RPRD2: variants seen among roughly 807,000 people sequenced by gnomAD.
RPRD2 encodes the protein regulation of nuclear pre-mRNA domain containing 2.
In RPRD2, 12 loss-of-function variants were observed where a neutral mutation model predicts 104.4. The observed-to-expected ratio is 0.11, with a 90% CI of 0.07 to 0.19. RPRD2 has a LOEUF of 0.19. Among genes scored for constraint, RPRD2 ranks in the 10% least tolerant of loss-of-function variants. RPRD2 has a pLI of 1.00. For synonymous variants in RPRD2, 714 were observed against 684.9 expected (o/e 1.04, Z -0.66); for missense variants, 1,543 against 1,790.1 (o/e 0.86, Z 2.49).
Position 150,364,690 on chromosome 1 carries a change from A to C in RPRD2, c.-25A>C, listed in dbSNP as rs2102057634. On this transcript the variant is annotated 5_prime_UTR_variant, in exon 1 of 11. Transcript: ENST00000369068. Reference sequence around the variant, plus strand: ...CCGCCGCCGCCGCCGCCAGAGGAGCAGCAGCGCTTGTGCAAACCGGGAAGA... The same window carrying C: ...CCGCCGCCGCCGCCGCCAGAGGAGCCGCAGCGCTTGTGCAAACCGGGAAGA... The C allele has an allele frequency of 2.1e-6, 3 of 1,423,888 alleles. No individual in the cohort carries two copies. The highest frequency in any genetic ancestry group is 1.4e-5 in the African/African-American group (1 of 69,422). The allele number at this position is 1,423,888 out of a possible 1,614,324, so 88.2% of individuals were successfully genotyped here.
intron 2 of RPRD2, among the ~76,000 whole-genome samples, chr1:150,420,371 C>T (rs1553889423): frequency 6.6e-6 from 1 of 152,046 alleles, no homozygotes; most frequent in Non-Finnish European, 1.5e-5. Flanking sequence ...AAGTTAAAAC[C>T]TTAAGCCCCC....
intron 1 of RPRD2, 38 bp downstream of exon 1, chr1:150,364,957 G>A: frequency 6.2e-7 from 1 of 1,602,068 alleles, no homozygotes; most frequent in South Asian, 1.1e-5. Flanking sequence ...GAAGACTGGG[G>A]AAATGGAAGG....
chr1:150,475,586 T>A lies in RPRD2; in HGVS notation c.*2252T>A, dbSNP rs1312262581. ...GGGTTTTTGTGGGGTACTTTTTTGT[T>A]TTTTAAGCCACAAAATCCTCAATAT... On this transcript the variant is annotated 3_prime_UTR_variant, in exon 11 of 11. Coordinates refer to ENST00000369068, the MANE Select transcript of RPRD2 (RefSeq NM_015203.5). 6.6e-6 allele frequency: 1 copy of A among 152,580 alleles called. No homozygotes were observed. The highest frequency in any genetic ancestry group is 2.4e-5 in the African/African-American group (1 of 41,426). The allele number at this position is 152,580 out of a possible 1,614,324, so 9.5% of individuals were successfully genotyped here.
chr1:150,409,595 A>G (rs1663742884), intron 1 of RPRD2, among the ~76,000 whole-genome samples: 1 of 151,660 alleles, frequency 6.6e-6, no homozygotes, highest in South Asian at 2.1e-4. Flanking sequence ...GTTATTTGGG[A>G]GAATAAAGCA....
intron 7 of RPRD2, among the ~76,000 whole-genome samples, chr1:150,449,395 T>G (rs1667006856): frequency 6.6e-6 from 1 of 152,198 alleles, no homozygotes; most frequent in South Asian, 2.1e-4. Flanking sequence ...TTGATATGCT[T>G]GGGTTTAAGT....
At chr1:150,400,593 G>C (rs1307043569) in intron 1 of RPRD2, among the ~76,000 whole-genome samples, 1 of 152,084 alleles carries the variant, frequency 6.6e-6, no homozygotes, top group Non-Finnish European at 1.5e-5. Flanking sequence ...GGGGCTCAGG[G>C]GTTAATGTTC....
intron 2 of RPRD2, among the ~76,000 whole-genome samples, chr1:150,430,969 G>A (rs1553891552): frequency 6.6e-6 from 1 of 150,984 alleles, no homozygotes; most frequent in Admixed American, 6.6e-5. Context: ...CCCTAAAAGT[G>A]ATGAAAAATA....
chr1:150,472,737 T>C lies in RPRD2; in HGVS notation c.3789T>C (p.Ser1263=), dbSNP rs202155125. The stretch of plus-strand genomic sequence containing the variant: ...CACCCCCTCCTCCTGGAGAGCACAG[T>C]GGAATTCCTTTCCCTACCCCACCTC... ...AAPPPPPGEH[S]GIPFPTPPPP... Residue 1263 remains serine, a synonymous_variant, in exon 11 of 11, where the codon AGT becomes AGC. Transcript: ENST00000369068. 1 of 1,612,770 alleles carries C rather than the reference T, an allele frequency of 6.2e-7. No homozygotes were observed. Among genetic ancestry groups the C allele is most frequent in the Admixed American group, 1.7e-5 (1 of 59,966 alleles).
rs1553882592 is a variant in RPRD2, at chr1:150,388,520, C to CACAT, written c.205+23603_205+23606dup. ...GCGCACACACACACACACACACACA[C>CACAT]ACATATATACACCCTGCATCCTGTT... On this transcript the variant is annotated intron_variant, in intron 1 of 10. Coordinates refer to ENST00000369068, the MANE Select transcript of RPRD2 (RefSeq NM_015203.5). Among the ~76,000 whole-genome samples, 347 of 148,260 alleles carry CACAT rather than the reference C, an allele frequency of 2.3e-3. 5 individuals are homozygous for CACAT. Among genetic ancestry groups the CACAT allele is most frequent in the Middle Eastern group, 0.01 (3 of 288 alleles).
rs1267649671 is a variant in RPRD2 at position 150,424,358 on chromosome 1, C to T, written c.335+6633C>T. On this transcript the variant is annotated intron_variant, in intron 2 of 10. Transcript: ENST00000369068. ...AGGCTGGAGTGCAGCGGCACGATCT[C>T]GGCTCACTGCAACCTCCGCTTCCTG... Among the ~76,000 whole-genome samples, 4 of 151,980 alleles carry T rather than the reference C, an allele frequency of 2.6e-5. 1 individual carries two copies. Among genetic ancestry groups the T allele is most frequent in the East Asian group, 1.9e-4 (1 of 5,178 alleles).
intron 1 of RPRD2, among the ~76,000 whole-genome samples, chr1:150,387,074 C>G (rs1428347740): frequency 2.0e-5 from 3 of 152,160 alleles, no homozygotes; most frequent in African/African-American, 4.8e-5. Context: ...GCATTCATGA[C>G]ATACCTAATT....
At chr1:150,426,178 C>T (rs1410809306) in intron 2 of RPRD2, among the ~76,000 whole-genome samples, 3 of 152,208 alleles carry the variant, frequency 2.0e-5, no homozygotes, top group Non-Finnish European at 2.9e-5. Context: ...ATCCTTACCA[C>T]CAGCTCTCCT....
chr1:150,431,502 C>T (rs1289781068), intron 2 of RPRD2, among the ~76,000 whole-genome samples: 4 of 32,100 alleles, frequency 1.2e-4, no homozygotes, highest in South Asian at 1.0e-3. Context: ...TTTTTTGAGA[C>T]GGGGTTTTGT....
chr1:150,423,015 A>C (rs1327667759), intron 2 of RPRD2, among the ~76,000 whole-genome samples: 1 of 152,192 alleles, frequency 6.6e-6, no homozygotes. Flanking sequence ...ATGGGCTGGA[A>C]ACCTGGAGAT....
At chr1:150,423,867 A>T (rs1664931818) in intron 2 of RPRD2, among the ~76,000 whole-genome samples, 1 of 150,542 alleles carries the variant, frequency 6.6e-6, no homozygotes, top group African/African-American at 2.4e-5. Context: ...ATCTCAGCTC[A>T]CTGCAACCTC....
intron 1 of RPRD2, among the ~76,000 whole-genome samples, chr1:150,411,870 A>T (rs1273275313): frequency 2.6e-5 from 4 of 151,496 alleles, no homozygotes; most frequent in Non-Finnish European, 5.9e-5. Context: ...TCACGCCTGT[A>T]ATCCCAGCAC....
chr1:150,404,539 C>A (rs913207379), intron 1 of RPRD2, among the ~76,000 whole-genome samples: 6 of 151,990 alleles, frequency 3.9e-5, no homozygotes, highest in African/African-American at 1.5e-4. Context: ...TGTGAGCCAC[C>A]ACACCTGGCC....
Position 150,472,372 on chromosome 1 carries a change from C to T in RPRD2, c.3424C>T (p.Pro1142Ser). 2 of 1,613,960 alleles carry T rather than the reference C, an allele frequency of 1.2e-6. No individual in the cohort carries two copies. The highest frequency in any genetic ancestry group is 1.7e-6 in the Non-Finnish European group (2 of 1,179,880). ...ATCAGGTAGCTCTTTTGACAATGGC[C>T]CTTCAAGTGCCTCTGAGTTGGCATC... is the stretch of plus-strand genomic sequence containing the variant. ...STSGSSFDNG[P>S]SSASELASLG... Residue 1142 changes from proline (P) to serine (S), a missense_variant, in exon 11 of 11, where the codon CCT becomes TCT. Around this residue, in one of 4 missense-constraint regions of RPRD2, gnomAD observed 880 missense variants for 885.6 expected, o/e 0.99. Coordinates refer to ENST00000369068, the MANE Select transcript of RPRD2 (RefSeq NM_015203.5).
At chr1:150,456,410 G>A (rs1667527104) in intron 7 of RPRD2, among the ~76,000 whole-genome samples, 1 of 152,232 alleles carries the variant, frequency 6.6e-6, no homozygotes, top group Admixed American at 6.5e-5. Context: ...ATGCTTGACA[G>A]ATGATATATT....
Sources: gnomAD v4.1 joint callset for allele counts (sites outside exome capture counted in the v4.1 genomes callset) on GRCh38, gnomAD v4.1.1 for gene constraint, gnomAD v4.1.1 regional missense constraint, MANE v1.5 for transcripts, NCBI Gene and HGNC (gene_info 2026-07-23, HGNC 2026-07-21) for gene names.